CEBPZOS: variants seen among roughly 807,000 people sequenced by gnomAD.
CEBPZOS encodes protein CEBPZOS.
A neutral mutation model predicts 4.8 loss-of-function variants in CEBPZOS; 10 were observed. The observed-to-expected ratio is 2.07, with a 90% CI of 1.28 to 3.52. The LOEUF (loss-of-function observed/expected upper bound fraction) is 3.52, where lower values mean the gene tolerates loss of function less well. Ranked by LOEUF, CEBPZOS falls within the 30% of genes most tolerant of loss-of-function variation. The probability of loss-of-function intolerance (pLI) is 0.00; values close to 1 mark genes in which losing one functional copy is unlikely to be tolerated. For missense variants in CEBPZOS, 98 were observed against 43.6 expected, an observed-to-expected ratio of 2.25 and a Z score of -3.51; for synonymous variants, 25 against 14.2, an observed-to-expected ratio of 1.77 and a Z score of -1.72.
intron 4 of CEBPZOS, chr2:37,210,795 A>C: frequency 2.1e-6 from 1 of 474,752 alleles, no homozygotes; most frequent in Non-Finnish European, 3.7e-6. Context: ...TTAAAAAGTG[A>C]ATGAAAAGAT....
chr2:37,202,676 AAAAAAAAAAAAAAAAAGAAT>A lies in CEBPZOS; in HGVS notation c.*820_*839del. On this transcript the variant is annotated 3_prime_UTR_variant, in exon 5 of 5. Coordinates refer to ENST00000402297, the MANE Select transcript of CEBPZOS (RefSeq NM_001322374.2). ...AAAAAAAAAAAAAAAAAAAAAAAAAAAAAAAAAAAAAAAAAAGAATAAATAAAATAACGAAAATTTCCTAT... is the reference window on the plus strand; with the variant it reads ...AAAAAAAAAAAAAAAAAAAAAAAAAAAAATAAAATAACGAAAATTTCCTAT... 2 of 213,628 alleles carry A rather than the reference AAAAAAAAAAAAAAAAAGAAT, an allele frequency of 9.4e-6. No individual in the cohort carries two copies. The highest frequency in any genetic ancestry group is 1.7e-5 in the Non-Finnish European group (2 of 120,880). The allele number at this position is 213,628 out of a possible 1,614,324, so 13.2% of individuals were successfully genotyped here.
rs577168465 is a variant in CEBPZOS, at chr2:37,201,429, A to C, written c.161-213A>C. 181 of 528,252 alleles carry C rather than the reference A, an allele frequency of 3.4e-4. 2 individuals are homozygous for C. The South Asian group carries it at 4.5e-3, about 13-fold the overall frequency. The allele number at this position is 528,252 out of a possible 1,614,324, so 32.7% of individuals were successfully genotyped here. The stretch of plus-strand genomic sequence containing the variant: ...CTCTTTCTCTGTCAAGTAGATAAAG[A>C]CTGAACAAGATGACATCATGTAGTT... On this transcript the variant is annotated intron_variant, in intron 3 of 4. Transcript: ENST00000402297.
At chr2:37,212,345 C>T in intron 4 of CEBPZOS, 1 of 1,613,478 alleles carries the variant, frequency 6.2e-7, no homozygotes. Flanking sequence ...CCAGCAAAAT[C>T]CATATCATCC....
chr2:37,215,519 G>C (rs1446075618), downstream of CEBPZOS: 1 of 152,342 alleles, frequency 6.6e-6, no homozygotes, highest in Non-Finnish European at 1.5e-5. Context: ...CTAACTGTGG[G>C]TAAGTCCTTT....
rs774897341 is a variant in CEBPZOS at position 37,202,830 on chromosome 2, C to T, written c.*970C>T. On this transcript the variant is annotated 3_prime_UTR_variant, in exon 5 of 5. Coordinates refer to ENST00000402297, the MANE Select transcript of CEBPZOS (RefSeq NM_001322374.2). ...TGGCATTCATGCCAATGTTATCAAA[C>T]TTGGATCCCATATTTTCATCCAATA... 1.2e-6 allele frequency: 2 copies of T among 1,601,870 alleles called. No homozygotes were observed. The highest frequency in any genetic ancestry group is 2.3e-5 in the South Asian group (2 of 88,444).
At position 37,202,272 on chromosome 2, in the gene CEBPZOS, G is replaced by C. The variant is rs1275970227; in HGVS notation, c.*412G>C. On this transcript the variant is annotated 3_prime_UTR_variant, in exon 5 of 5. Transcript: ENST00000402297. ...TTTTTTTGCTTTAGTCTAAATACTT[G>C]TTAATCTTACATGTTCTCCTGAGAG... 1 of 159,138 alleles carries C rather than the reference G, an allele frequency of 6.3e-6. No homozygotes were observed. Among genetic ancestry groups the C allele is most frequent in the African/African-American group, 2.5e-5 (1 of 39,778 alleles). The allele number at this position is 159,138 out of a possible 1,614,324, so 9.9% of individuals were successfully genotyped here.
At chr2:37,201,492 A>G in intron 3 of CEBPZOS, 150 bp from the exon 4 acceptor site, 1 of 589,394 alleles carries the variant, frequency 1.7e-6, no homozygotes, top group African/African-American at 1.9e-5. Flanking sequence ...CAGAGATGCC[A>G]GGACTTATAT....
In CEBPZOS at chr2:37,201,714, G is replaced by T; in HGVS notation, c.233G>T (p.Ser78Ile). 8.9e-7 allele frequency: 1 copy of T among 1,129,152 alleles called. No individual in the cohort carries two copies. The allele number at this position is 1,129,152 out of a possible 1,614,324, so 69.9% of individuals were successfully genotyped here. ...RELDQKTWLN[S>I]KN ...CTAGATCAAAAAACATGGTTGAACA[G>T]CAAAAATTAGATGTAAGTAGAATTT... Residue 78 changes from serine to isoleucine, a missense_variant, in exon 4 of 5, where the codon AGC becomes ATC. Ser to Ile is a moderately radical substitution (Grantham distance 142, BLOSUM62 -2). Coordinates refer to ENST00000402297, the MANE Select transcript of CEBPZOS (RefSeq NM_001322374.2).
chr2:37,201,251 T>A (rs971073837), intron 3 of CEBPZOS, 159 bp downstream of exon 3: 1 of 582,742 alleles, frequency 1.7e-6, no homozygotes, highest in Non-Finnish European at 3.1e-6. Context: ...GAGAGGAGAA[T>A]TAGGTAATGG....
chr2:37,212,243 C>G, intron 4 of CEBPZOS: 1 of 1,192,634 alleles, frequency 8.4e-7, no homozygotes, highest in Non-Finnish European at 1.2e-6. Context: ...TACATTTCCC[C>G]TTTATCATAT....
chr2:37,213,943 A>G (rs902755483), downstream of CEBPZOS: 1 of 1,573,458 alleles, frequency 6.4e-7, no homozygotes, highest in Non-Finnish European at 8.6e-7. Flanking sequence ...TCTCTTTAAC[A>G]GCAACTTTTT....
downstream of CEBPZOS, among the ~76,000 whole-genome samples, chr2:37,205,960 A>T (rs1677525176): frequency 6.6e-6 from 1 of 152,256 alleles, no homozygotes; most frequent in Non-Finnish European, 1.5e-5. Flanking sequence ...AGAAAAGAAA[A>T]AGATAACAGG....
At chr2:37,201,771 CTT>C (rs1677251687) in intron 4 of CEBPZOS, 45 bp downstream of exon 4, 1 of 1,415,358 alleles carries the variant, frequency 7.1e-7, no homozygotes. Flanking sequence ...AACTCATTTC[CTT>C]TGTTTTTTAG....
At chr2:37,213,846 G>C (rs372182364), downstream of CEBPZOS, 9 of 1,531,486 alleles carry the variant, frequency 5.9e-6, no homozygotes, top group African/African-American at 8.2e-5. Context: ...TTTACAAAGA[G>C]TCAACAAAAC....
At chr2:37,201,184 C>T (rs1013717698) in intron 3 of CEBPZOS, 92 bp downstream of exon 3, 11 of 659,444 alleles carry the variant, frequency 1.7e-5, no homozygotes, top group Non-Finnish European at 3.0e-5. Flanking sequence ...GAATTTCTAA[C>T]AATACTATTC....
chr2:37,208,150 A>C (rs1365752860), downstream of CEBPZOS, among the ~76,000 whole-genome samples: 1 of 152,174 alleles, frequency 6.6e-6, no homozygotes, highest in Non-Finnish European at 1.5e-5. Context: ...CGACTGAAAC[A>C]GTAATAAAAA....
At chr2:37,205,629 C>T (rs539337412), downstream of CEBPZOS, among the ~76,000 whole-genome samples, 33 of 152,278 alleles carry the variant, frequency 2.2e-4, no homozygotes, top group Admixed American at 5.2e-4. Flanking sequence ...CATACAGACG[C>T]GCATGAAACT....
intron 3 of CEBPZOS, 150 bp downstream of exon 3, chr2:37,201,242 AGAG>A (rs1432187504): frequency 3.4e-6 from 2 of 588,784 alleles, no homozygotes; most frequent in Non-Finnish European, 6.1e-6. Flanking sequence ...TATTCTAGTG[AGAG>A]GAGAATTAGG....
downstream of CEBPZOS, among the ~76,000 whole-genome samples, chr2:37,206,649 C>T (rs1371565869): frequency 3.3e-5 from 5 of 152,224 alleles, no homozygotes; most frequent in Non-Finnish European, 7.3e-5. Flanking sequence ...AGCCACTACA[C>T]TCAGCCTAGG....
Sources: allele counts gnomAD v4.1 joint callset (sites outside exome capture counted in the v4.1 genomes callset), GRCh38; gene constraint gnomAD v4.1.1; transcripts MANE v1.5; gene names NCBI Gene and HGNC (gene_info 2026-07-23, HGNC 2026-07-21).